Variants in FCGR2B observed in about 807,000 individuals in gnomAD.
FCGR2B encodes the protein low affinity immunoglobulin gamma Fc region receptor II-b.
FCGR2B carries 18 observed loss-of-function variants against 24.8 expected under a neutral mutation model. The observed-to-expected ratio is 0.73, with a 90% CI of 0.50 to 1.08. FCGR2B has a LOEUF of 1.08. Ranked by LOEUF, FCGR2B falls within the 50% of genes least tolerant of loss-of-function variation. The pLI, the probability that FCGR2B is intolerant of heterozygous loss-of-function variation, is 0.00. For synonymous variants in FCGR2B, 79 were observed against 109.8 expected (o/e 0.72, Z 1.75); for missense variants, 215 against 297.6 (o/e 0.72, Z 2.04).
chr1:161,671,752 G>A (rs1456467490), intron 3 of FCGR2B, 103 bp downstream of exon 3: 9 of 1,575,904 alleles, frequency 5.7e-6, no homozygotes, highest in South Asian at 1.2e-5. Context: ...TGCTTACTGG[G>A]AAGTATCGCT....
chr1:161,655,150 T>C, the FCGR2B span, among the ~76,000 whole-genome samples: 2 of 151,066 alleles, frequency 1.3e-5, no homozygotes, highest in South Asian at 4.2e-4. Flanking sequence ...CGGCACTGAC[T>C]GTGTCCTGAT....
Position 161,671,406 on chromosome 1 carries a change from G to C in FCGR2B, c.148G>C (p.Ala50Pro), listed in dbSNP as rs757403471. The C allele has an allele frequency of 2.5e-6, 4 of 1,614,112 alleles. No homozygotes were observed. Among genetic ancestry groups the C allele is most frequent in the Non-Finnish European group, 3.4e-6 (4 of 1,180,042 alleles). The change falls in exon 3 of 8, where the codon GCT (alanine) becomes CCT (proline). Residue 50 changes from alanine (A) to proline (P), a missense_variant. Physicochemically the swap from Ala to Pro is conservative, Grantham distance 27. This residue lies in a region of FCGR2B where 77 missense variants were observed against 68.8 expected (regional missense o/e 1.12). Coordinates refer to ENST00000358671, the MANE Select transcript of FCGR2B (RefSeq NM_001394477.1). Reference protein sequence around the residue: ...VAGTPAAPPKAVLKLEPQWIN... With the variant: ...VAGTPAAPPKPVLKLEPQWIN... ...CTGCCCCTCAGCAGCTCCCCCAAAG[G>C]CTGTGCTGAAACTCGAGCCCCAGTG...
rs573257128 is a variant in FCGR2B, at chr1:161,671,709, T to A, written c.391+60T>A. 1.4e-5 allele frequency: 23 copies of A among 1,606,694 alleles called. No individual in the cohort carries two copies. The South Asian group carries it at 2.4e-4, about 17-fold the overall frequency. On this transcript the variant is annotated intron_variant, in intron 3 of 7. Coordinates refer to ENST00000358671, the MANE Select transcript of FCGR2B (RefSeq NM_001394477.1). ...GGGCCAGGACGGATGAAATCTGCTT[T>A]CAGGCAGAGGTTTGCAGGAAAGGGG... is the stretch of plus-strand genomic sequence containing the variant.
Position 161,677,652 on chromosome 1 carries a change from G to A in FCGR2B, c.*99G>A. On this transcript the variant is annotated 3_prime_UTR_variant, in exon 8 of 8. Transcript: ENST00000358671. ...CCCTTGGGGAGGACAGGGAGATGCT[G>A]CAGTTCCAAAAGAGAAGGTTTCTTC... 1 of 933,922 alleles carries A rather than the reference G, an allele frequency of 1.1e-6. No homozygotes were observed. Among genetic ancestry groups the A allele is most frequent in the Non-Finnish European group, 1.7e-6 (1 of 597,100 alleles). 57.9% of individuals were successfully genotyped at this position (933,922 alleles called of 1,614,324 possible). A position where few individuals can be genotyped will look rare whatever the true frequency, so the allele number is the denominator to read the frequency against.
the FCGR2B span, among the ~76,000 whole-genome samples, chr1:161,655,843 T>TTTTA: frequency 3.0e-3 from 169 of 55,566 alleles, 2 homozygotes; most frequent in African/African-American, 6.7e-3. Flanking sequence ...TTTCCTCAAT[T>TTTTA]TTTATTTATT....
chr1:161,654,144 C>T, the FCGR2B span, among the ~76,000 whole-genome samples: 55,765 of 125,288 alleles, frequency 0.45, 11,466 homozygotes, highest in Middle Eastern at 0.53. Context: ...CTGCAATAGC[C>T]GCTGTTCTTA....
upstream of FCGR2B, among the ~76,000 whole-genome samples, chr1:161,661,375 C>T (rs1771599): frequency 0.81 from 98,194 of 120,548 alleles, 41,131 homozygotes; most frequent in East Asian, 0.89. Context: ...AGCAAGACAG[C>T]ACATAATTGA....
At chr1:161,675,904 A>G (rs1682086028) in intron 6 of FCGR2B, 1 of 233,070 alleles carries the variant, frequency 4.3e-6, no homozygotes, top group Non-Finnish European at 8.5e-6. Flanking sequence ...CATGCACTCA[A>G]GGTTGACTGA....
the FCGR2B span, among the ~76,000 whole-genome samples, chr1:161,647,494 T>C: frequency 4.0e-5 from 6 of 150,122 alleles, no homozygotes; most frequent in Admixed American, 1.3e-4. Context: ...AGGGACAGGG[T>C]TTTGCCATGT....
the FCGR2B span, among the ~76,000 whole-genome samples, chr1:161,649,783 ATT>A: frequency 1.3e-5 from 2 of 149,520 alleles, no homozygotes; most frequent in Non-Finnish European, 3.0e-5. Flanking sequence ...TATTATTCCT[ATT>A]TTATGGTTGA....
chr1:161,675,090 C>T (rs1028473429), intron 5 of FCGR2B, 167 bp from the exon 6 acceptor site: 4 of 559,400 alleles, frequency 7.2e-6, no homozygotes, highest in African/African-American at 6.0e-5. Flanking sequence ...CAGCCCTTTT[C>T]CAGGCGGGAG....
intron 3 of FCGR2B, 152 bp from the exon 4 acceptor site, chr1:161,672,823 T>C (rs1328897180): frequency 8.0e-7 from 1 of 1,252,792 alleles, no homozygotes; most frequent in African/African-American, 1.5e-5. Flanking sequence ...CAAGAGTTCA[T>C]AAATGACAGA....
At chr1:161,661,044 C>T (rs1477420952), upstream of FCGR2B, among the ~76,000 whole-genome samples, 22 of 62,860 alleles carry the variant, frequency 3.5e-4, no homozygotes, top group African/African-American at 1.3e-3. Context: ...TCTGCACTCC[C>T]GCCTGGGCGA....
At chr1:161,661,221 A>T (rs1290325794), upstream of FCGR2B, among the ~76,000 whole-genome samples, 1 of 73,362 alleles carries the variant, frequency 1.4e-5, no homozygotes, top group African/African-American at 4.5e-5. Flanking sequence ...AAAGAAAGAA[A>T]GAAAGAAAGA....
In FCGR2B at chr1:161,673,755, T is replaced by A; in HGVS notation, c.647-205T>A. 4.7e-6 allele frequency: 2 copies of A among 425,482 alleles called. 1 individual carries two copies. Among genetic ancestry groups the A allele is most frequent in the East Asian group, 7.4e-5 (2 of 26,900 alleles). 26.4% of individuals were successfully genotyped at this position (425,482 alleles called of 1,614,324 possible). A position where few individuals can be genotyped will look rare whatever the true frequency, so the allele number is the denominator to read the frequency against. On this transcript the variant is annotated intron_variant, in intron 4 of 7. Transcript: ENST00000358671. The stretch of plus-strand genomic sequence containing the variant: ...TGCTCACAAATGTACCTTTATTAGT[T>A]TGGTGGAGAAACCTCGGTAAGCAGG...
chr1:161,654,863 T>G, the FCGR2B span, among the ~76,000 whole-genome samples: 3 of 138,188 alleles, frequency 2.2e-5, no homozygotes, highest in East Asian at 3.9e-4. Flanking sequence ...ACTTTGTGTA[T>G]TATCTGTTTT....
Position 161,675,380 on chromosome 1 carries a change from G to C in FCGR2B, c.817+67G>C, listed in dbSNP as rs12046494. 1,397 of 1,188,156 alleles carry C rather than the reference G, an allele frequency of 1.2e-3. 11 individuals are homozygous for C. In the African/African-American group the frequency reaches 0.012, roughly 11 times the overall value. 73.6% of individuals were successfully genotyped at this position (1,188,156 alleles called of 1,614,324 possible). On this transcript the variant is annotated intron_variant, in intron 6 of 7. Transcript: ENST00000358671. ...GGGCTGCCGGCTGGACTGGAGCCAG[G>C]GAGAAGGGGCTTGTGCAAGTTCAGC...
chr1:161,672,996 C>G lies in FCGR2B; in HGVS notation c.413C>G (p.Pro138Arg), dbSNP rs772070963. The change falls in exon 4 of 8, where the codon CCT (proline) becomes CGT (arginine). Residue 138 changes from proline to arginine, a missense_variant. By Grantham distance (103) the Pro-to-Arg change is moderately radical. Around this residue, in one of 5 missense-constraint regions of FCGR2B, gnomAD observed 39 missense variants for 73.3 expected, o/e 0.53. Transcript: ENST00000358671. ...VLSEWLVLQT[P>R]HLEFQEGETI... ...TCAGAGTGGCTGGTGCTCCAGACCC[C>G]TCACCTGGAGTTCCAGGAGGGAGAA... is the stretch of plus-strand genomic sequence containing the variant. The G allele has an allele frequency of 6.2e-7, 1 of 1,613,174 alleles. No individual in the cohort carries two copies. The highest frequency in any genetic ancestry group is 1.3e-5 in the African/African-American group (1 of 74,844).
Position 161,672,995 on chromosome 1 carries a change from C to A in FCGR2B, c.412C>A (p.Pro138Thr). The A allele has an allele frequency of 6.2e-7, 1 of 1,613,208 alleles. No homozygotes were observed. Residue 138 changes from proline (P) to threonine (T), a missense_variant, in exon 4 of 8, where the codon CCT becomes ACT. Pro to Thr is a conservative substitution (Grantham distance 38). Transcript: ENST00000358671. Reference protein sequence around the residue: ...VLSEWLVLQTPHLEFQEGETI... With the variant: ...VLSEWLVLQTTHLEFQEGETI... ...TTCAGAGTGGCTGGTGCTCCAGACC[C>A]CTCACCTGGAGTTCCAGGAGGGAGA...
Sources: gnomAD v4.1 joint callset for allele counts (sites outside exome capture counted in the v4.1 genomes callset) on GRCh38, gnomAD v4.1.1 for gene constraint, gnomAD v4.1.1 regional missense constraint, MANE v1.5 for transcripts, NCBI Gene and HGNC (gene_info 2026-07-23, HGNC 2026-07-21) for gene names.